NKAIN3: variants seen among roughly 807,000 people sequenced by gnomAD.
The protein encoded by NKAIN3 is sodium/potassium-transporting ATPase subunit beta-1-interacting protein 3.
A neutral mutation model predicts 30.2 loss-of-function variants in NKAIN3; 25 were observed. The ratio of observed to expected loss-of-function variants is 0.83; its 90% CI spans 0.60 to 1.16. NKAIN3 has a LOEUF of 1.16. Ranked by LOEUF, NKAIN3 falls within the 50% of genes most tolerant of loss-of-function variation. The probability of loss-of-function intolerance (pLI) is 0.00; values close to 1 mark genes in which losing one functional copy is unlikely to be tolerated. For missense variants in NKAIN3, 225 were observed against 254.1 expected (o/e 0.89, Z 0.78); for synonymous variants, 91 against 89.6 (o/e 1.02, Z -0.09).
chr8:62,747,077 T>C lies in NKAIN3; in HGVS notation c.419T>C (p.Val140Ala). The change falls in exon 4 of 7, where the codon GTT becomes GCT. Residue 140 changes from valine (V) to alanine (A), a missense_variant. Coordinates refer to ENST00000623646, the MANE Select transcript of NKAIN3 (RefSeq NM_001304533.3). Reference sequence around the variant, plus strand: ...TACGTCTCTGTCACAGGCTGCATCGTTGACTTCCAGTACCTGGAGGTCATC... The same window carrying C: ...TACGTCTCTGTCACAGGCTGCATCGCTGACTTCCAGTACCTGGAGGTCATC... Reference protein sequence around the residue: ...YTYVSVTGCIVDFQYLEVIHS... With the variant: ...YTYVSVTGCIADFQYLEVIHS... The C allele has an allele frequency of 6.2e-7, 1 of 1,613,758 alleles. No individual in the cohort carries two copies. Among genetic ancestry groups the C allele is most frequent in the South Asian group, 1.1e-5 (1 of 91,066 alleles).
chr8:62,717,564 A>C (rs966635905), intron 3 of NKAIN3, among the ~76,000 whole-genome samples: 2 of 152,118 alleles, frequency 1.3e-5, no homozygotes, highest in African/African-American at 4.8e-5. Flanking sequence ...TCAAGTGCTA[A>C]TTTTGAATTC....
chr8:62,280,354 C>A (rs948899009), intron 1 of NKAIN3, among the ~76,000 whole-genome samples: 3 of 151,952 alleles, frequency 2.0e-5, no homozygotes, highest in Admixed American at 6.6e-5. Flanking sequence ...TTCCTAATTG[C>A]ATATCCTTTA....
intron 4 of NKAIN3, among the ~76,000 whole-genome samples, chr8:62,751,732 C>T (rs1816289102): frequency 2.6e-5 from 4 of 151,062 alleles, no homozygotes; most frequent in South Asian, 4.2e-4. Context: ...TATACTATAG[C>T]GAGTATAATA....
intron 1 of NKAIN3, among the ~76,000 whole-genome samples, chr8:62,317,734 G>C (rs1219035373): frequency 6.6e-6 from 1 of 152,116 alleles, no homozygotes; most frequent in East Asian, 1.9e-4. Context: ...TTGTTCTTTT[G>C]GCTTAGGATT....
chr8:62,882,406 C>T (rs2130814944), intron 4 of NKAIN3, among the ~76,000 whole-genome samples: 1 of 152,274 alleles, frequency 6.6e-6, no homozygotes, highest in African/African-American at 2.4e-5. Flanking sequence ...GCAACCTCCG[C>T]CTCCCAGGCT....
chr8:62,856,257 G>A (rs1046668297), intron 4 of NKAIN3: 16 of 879,260 alleles, frequency 1.8e-5, no homozygotes, highest in African/African-American at 1.8e-4. Context: ...AGCTTTATTG[G>A]AGAAGGCTTG....
intron 3 of NKAIN3, among the ~76,000 whole-genome samples, chr8:62,601,807 G>C (rs1378528948): frequency 6.6e-6 from 1 of 152,014 alleles, no homozygotes; most frequent in African/African-American, 2.4e-5. Context: ...TTAAAAAATA[G>C]CAAGGAAATG....
At chr8:62,318,878 CTAT>C in intron 1 of NKAIN3, among the ~76,000 whole-genome samples, 1 of 152,048 alleles carries the variant, frequency 6.6e-6, no homozygotes, top group Non-Finnish European at 1.5e-5. Context: ...CCCTCTTTTT[CTAT>C]TGATTGGAAT....
At position 62,627,080 on chromosome 8, in the gene NKAIN3, G is replaced by A. The variant is rs949129329; in HGVS notation, c.273+37286G>A. ...AAGCCTCCTGCTTCTTTCCCCCAAC[G>A]CCTCGGGGCAACTGGGAGATATAAT... is the stretch of plus-strand genomic sequence containing the variant. On this transcript the variant is annotated intron_variant, in intron 3 of 6. Transcript: ENST00000623646. Among the ~76,000 whole-genome samples, 10 of 152,188 alleles carry A rather than the reference G, an allele frequency of 6.6e-5. No homozygotes were observed. The East Asian group carries it at 1.6e-3, about 24-fold the overall frequency.
chr8:62,294,717 AT>A (rs541873853), intron 1 of NKAIN3, among the ~76,000 whole-genome samples: 1 of 151,872 alleles, frequency 6.6e-6, no homozygotes, highest in African/African-American at 2.4e-5. Flanking sequence ...TTGTATTTTA[AT>A]TTTTTTGGTA....
At chr8:62,349,293 A>T (rs936121862) in intron 1 of NKAIN3, among the ~76,000 whole-genome samples, 4 of 152,156 alleles carry the variant, frequency 2.6e-5, no homozygotes, top group Admixed American at 1.3e-4. Flanking sequence ...GGATTAGAGC[A>T]AGCTGCCTTG....
intron 3 of NKAIN3, among the ~76,000 whole-genome samples, chr8:62,713,816 T>C (rs1814804985): frequency 6.6e-6 from 1 of 152,206 alleles, no homozygotes; most frequent in Admixed American, 6.5e-5. Flanking sequence ...GTTTATTGCT[T>C]CTGTATAAAT....
At chr8:62,544,464 T>G (rs1808945520) in intron 1 of NKAIN3, among the ~76,000 whole-genome samples, 1 of 152,174 alleles carries the variant, frequency 6.6e-6, no homozygotes, top group Non-Finnish European at 1.5e-5. Context: ...ACCCAGAATT[T>G]TACTACTCAG....
At chr8:62,952,612 T>A (rs1823314721) in intron 5 of NKAIN3, among the ~76,000 whole-genome samples, 1 of 152,174 alleles carries the variant, frequency 6.6e-6, no homozygotes, top group African/African-American at 2.4e-5. Context: ...TATAAATGAA[T>A]CTTCTACATT....
In NKAIN3 at chr8:62,477,355, T is replaced by A. The variant is rs543165986; in HGVS notation, c.55-102184T>A. Among the ~76,000 whole-genome samples, 589 of 144,504 alleles carry A rather than the reference T, an allele frequency of 4.1e-3. 6 individuals are homozygous for A. Among genetic ancestry groups the A allele is most frequent in the African/African-American group, 0.014 (570 of 39,834 alleles). 94.8% of individuals were successfully genotyped at this position (144,504 alleles called of 152,430 possible). ...ATTTTGCACTGGCAGTAAAAAAAAA[T>A]GTGAAACTGGTGAATTGGATGAATG... On this transcript the variant is annotated intron_variant, in intron 1 of 6. Coordinates refer to ENST00000623646, the MANE Select transcript of NKAIN3 (RefSeq NM_001304533.3).
chr8:62,476,751 G>A (rs576051488), intron 1 of NKAIN3, among the ~76,000 whole-genome samples: 119 of 152,088 alleles, frequency 7.8e-4, no homozygotes, highest in African/African-American at 2.7e-3. Flanking sequence ...TACCATACCC[G>A]GCCTCTATAG....
intron 5 of NKAIN3, among the ~76,000 whole-genome samples, chr8:62,934,455 T>A (rs72655098): frequency 0.021 from 3,120 of 152,006 alleles, 55 homozygotes; most frequent in South Asian, 0.028. Context: ...CACAAAAAAG[T>A]TTTTATCTGT....
intron 4 of NKAIN3, among the ~76,000 whole-genome samples, chr8:62,787,087 C>G (rs188540139): frequency 6.6e-6 from 1 of 152,254 alleles, no homozygotes; most frequent in Admixed American, 6.5e-5. Flanking sequence ...AAATACTTTT[C>G]TTGAGATGAT....
chr8:62,837,510 A>G (rs13266003), intron 4 of NKAIN3, among the ~76,000 whole-genome samples: 63,870 of 152,068 alleles, frequency 0.42, 16,987 homozygotes, highest in Non-Finnish European at 0.6. Context: ...TATTCTTCAC[A>G]TGAAAACAAT....
Sources: gnomAD v4.1 joint callset for allele counts (sites outside exome capture counted in the v4.1 genomes callset) on GRCh38, gnomAD v4.1.1 for gene constraint, MANE v1.5 for transcripts, NCBI Gene and HGNC (gene_info 2026-07-23, HGNC 2026-07-21) for gene names.